The following TRPC7 variants were observed in gnomAD, a reference collection of about 807,000 sequenced individuals.
TRPC7 encodes short transient receptor potential channel 7.
In TRPC7, 42 loss-of-function variants were observed where a neutral mutation model predicts 90.1. That is an observed-to-expected ratio of 0.47 (90% CI 0.36 to 0.60). The LOEUF (loss-of-function observed/expected upper bound fraction) is 0.60. Ranked by LOEUF, TRPC7 falls within the 20% of genes least tolerant of loss-of-function variation. The probability of loss-of-function intolerance (pLI) is 0.00; values close to 1 mark genes in which losing one functional copy is unlikely to be tolerated. For missense variants in TRPC7, 955 were observed against 1,112.3 expected (o/e 0.86, Z 2.01); for synonymous variants, 451 against 436.3 (o/e 1.03, Z -0.42).
In TRPC7 at chr5:136,274,669, G is replaced by C; in HGVS notation, c.1128+4C>G. ...AAACGACATGCACCTTAAGCAGTCTGTACCTTGCTGCACGGAGCAATCCAA... is the reference window on the plus strand; with the variant it reads ...AAACGACATGCACCTTAAGCAGTCTCTACCTTGCTGCACGGAGCAATCCAA... On this transcript the variant is annotated splice_donor_region_variant and intron_variant, in intron 4 of 11. Transcript: ENST00000513104. 1 of 1,612,156 alleles carries C rather than the reference G, an allele frequency of 6.2e-7. No individual in the cohort carries two copies. Among genetic ancestry groups the C allele is most frequent in the Non-Finnish European group, 8.5e-7 (1 of 1,179,328 alleles).
chr5:136,289,404 G>T (rs1053112564), intron 3 of TRPC7, among the ~76,000 whole-genome samples: 7 of 152,228 alleles, frequency 4.6e-5, no homozygotes, highest in Non-Finnish European at 8.8e-5. Flanking sequence ...TCAAAGAAAG[G>T]GGTGACAGAT....
rs76081576 is a variant in TRPC7 at position 136,239,121 on chromosome 5, C to T, written c.1845-7572G>A. ...AGTGGGTGCAGTAAGCTCTCTCATC[C>T]CTCCCAAACACCCTATGCCTAACTT... On this transcript the variant is annotated intron_variant, in intron 7 of 11. Transcript: ENST00000513104. Among the ~76,000 whole-genome samples the T allele has an allele frequency of 9.6e-3, 1,465 of 152,160 alleles. 19 individuals are homozygous for T. The highest frequency in any genetic ancestry group is 0.027 in the African/African-American group (1,122 of 41,506).
At chr5:136,297,438 TA>T (rs1436900002) in intron 3 of TRPC7, among the ~76,000 whole-genome samples, 4 of 152,100 alleles carry the variant, frequency 2.6e-5, no homozygotes, top group Middle Eastern at 3.4e-3. Flanking sequence ...ATAATAAGCA[TA>T]AAAAAATGAA....
At chr5:136,269,859 G>A (rs1291569507) in intron 4 of TRPC7, among the ~76,000 whole-genome samples, 2 of 152,154 alleles carry the variant, frequency 1.3e-5, no homozygotes, top group Non-Finnish European at 2.9e-5. Flanking sequence ...GTGTTACTGG[G>A]TGCCTGTAAT....
chr5:136,324,330 A>T (rs922963588), intron 2 of TRPC7, among the ~76,000 whole-genome samples: 1 of 152,194 alleles, frequency 6.6e-6, no homozygotes, highest in Non-Finnish European at 1.5e-5. Context: ...TGCTTTGAAG[A>T]TTGATAAGTT....
intron 3 of TRPC7, among the ~76,000 whole-genome samples, chr5:136,306,133 C>T (rs889619246): frequency 7.9e-5 from 12 of 152,218 alleles, no homozygotes; most frequent in African/African-American, 2.9e-4. Context: ...TTTCTCCAAG[C>T]CATCACAGCT....
intron 3 of TRPC7, among the ~76,000 whole-genome samples, chr5:136,292,202 A>G (rs1561704651): frequency 6.6e-6 from 1 of 152,340 alleles, no homozygotes; most frequent in South Asian, 2.1e-4. Flanking sequence ...AAAGGTCTAA[A>G]ATTGACACCC....
At chr5:136,303,427 G>A (rs1288826155) in intron 3 of TRPC7, among the ~76,000 whole-genome samples, 5 of 152,086 alleles carry the variant, frequency 3.3e-5, no homozygotes, top group Non-Finnish European at 7.4e-5. Context: ...CAATAATAGA[G>A]TAGAGGCAGC....
Position 136,251,727 on chromosome 5 carries a change from G to A in TRPC7, c.1501C>T (p.Leu501=), listed in dbSNP as rs1382779360. Residue 501 remains leucine, a synonymous_variant, in exon 6 of 12, where the codon CTG becomes TTG. Transcript: ENST00000513104. The part of the protein sequence containing the change: ...MAFLKATEAQ[L]YVDQHVQDDT... ...TCCTGCACGTGCTGGTCCACGTACA[G>A]CTGTGCCTCCGTGGCCTTCAGGAAG... 2.5e-6 allele frequency: 4 copies of A among 1,613,954 alleles called. No individual in the cohort carries two copies. The highest frequency in any genetic ancestry group is 2.2e-5 in the East Asian group (1 of 44,862).
chr5:136,213,676 G>A, intron 11 of TRPC7, 72 bp from the exon 12 acceptor site: 2 of 1,488,702 alleles, frequency 1.3e-6, no homozygotes, highest in Non-Finnish European at 1.9e-6. Context: ...GCACATGTGG[G>A]CATGTGCATC....
intron 2 of TRPC7, among the ~76,000 whole-genome samples, chr5:136,347,050 G>A (rs1210528428): frequency 1.3e-5 from 2 of 152,130 alleles, no homozygotes; most frequent in African/African-American, 2.4e-5. Flanking sequence ...AGACTGGAGT[G>A]GTGCGTTGAC....
chr5:136,259,640 T>A (rs901970654), intron 5 of TRPC7, among the ~76,000 whole-genome samples: 1 of 152,190 alleles, frequency 6.6e-6, no homozygotes, highest in Admixed American at 6.6e-5. Flanking sequence ...AAAAACTTAT[T>A]ATAAGCTTGT....
chr5:136,352,055 C>G (rs940500645), intron 2 of TRPC7, among the ~76,000 whole-genome samples: 11 of 152,160 alleles, frequency 7.2e-5, no homozygotes, highest in Non-Finnish European at 1.6e-4. Flanking sequence ...GAAGAGCCTT[C>G]TTAGTTGTAG....
chr5:136,365,331 C>G lies in TRPC7; in HGVS notation c.-77G>C. The G allele has an allele frequency of 6.9e-7, 1 of 1,456,552 alleles. No homozygotes were observed. The highest frequency in any genetic ancestry group is 9.3e-7 in the Non-Finnish European group (1 of 1,073,358). 90.2% of individuals were successfully genotyped at this position (1,456,552 alleles called of 1,614,324 possible). A position where few individuals can be genotyped will look rare whatever the true frequency, so the allele number is the denominator to read the frequency against. Reference sequence around the variant, plus strand: ...GTTGAGTCGCCAGAAGCTGGCTCCCCATGGGTGGTAGCCAAGGATGTACCG... The same window carrying G: ...GTTGAGTCGCCAGAAGCTGGCTCCCGATGGGTGGTAGCCAAGGATGTACCG... On this transcript the variant is annotated 5_prime_UTR_variant, in exon 1 of 12. The change abolishes an upstream ATG in the 5' untranslated region. Coordinates refer to ENST00000513104, the MANE Select transcript of TRPC7 (RefSeq NM_020389.3).
intron 7 of TRPC7, among the ~76,000 whole-genome samples, chr5:136,233,206 G>T (rs1027091882): frequency 1.3e-5 from 2 of 152,112 alleles, no homozygotes; most frequent in Non-Finnish European, 2.9e-5. Flanking sequence ...TTTGTTTTTA[G>T]TTTCTTTTAA....
chr5:136,296,154 G>C (rs1239990874), intron 3 of TRPC7, among the ~76,000 whole-genome samples: 1 of 152,088 alleles, frequency 6.6e-6, no homozygotes, highest in African/African-American at 2.4e-5. Flanking sequence ...CTGGGGGTGG[G>C]GCAGGATTCA....
At chr5:136,360,712 A>C (rs927579089) in intron 1 of TRPC7, among the ~76,000 whole-genome samples, 1 of 152,186 alleles carries the variant, frequency 6.6e-6, no homozygotes, top group Non-Finnish European at 1.5e-5. Context: ...TGAGCCTTAG[A>C]GTCATGTATG....
At chr5:136,341,561 G>C (rs1228177582) in intron 2 of TRPC7, among the ~76,000 whole-genome samples, 2 of 152,084 alleles carry the variant, frequency 1.3e-5, no homozygotes, top group Non-Finnish European at 2.9e-5. Context: ...TCTGGGAATT[G>C]ACACTGGGGC....
At chr5:136,215,448 G>A (rs1333979225) in intron 11 of TRPC7, among the ~76,000 whole-genome samples, 1 of 152,166 alleles carries the variant, frequency 6.6e-6, no homozygotes, top group African/African-American at 2.4e-5. Flanking sequence ...TAGAATTCAG[G>A]TTGCTGATCA....
Sources: gnomAD v4.1 joint callset for allele counts (sites outside exome capture counted in the v4.1 genomes callset) on GRCh38, gnomAD v4.1.1 for gene constraint, MANE v1.5 for transcripts, NCBI Gene and HGNC (gene_info 2026-07-23, HGNC 2026-07-21) for gene names.